MTR: variants seen among roughly 807,000 people sequenced by gnomAD.
MTR encodes methionine synthase.
In MTR, 84 loss-of-function variants were observed where a neutral mutation model predicts 154.8. The observed-to-expected ratio is 0.54, with a 90% CI of 0.45 to 0.65. The LOEUF (loss-of-function observed/expected upper bound fraction) is 0.65, where lower values mean the gene tolerates loss of function less well. Among genes scored for constraint, MTR ranks in the 30% least tolerant of loss-of-function variants. The pLI is 0.00. For synonymous variants in MTR, 554 were observed against 553.9 expected, an observed-to-expected ratio of 1.00 and a Z score of 0.00; for missense variants, 1,275 against 1,570.2, an observed-to-expected ratio of 0.81 and a Z score of 3.18.
intron 1 of MTR, among the ~76,000 whole-genome samples, chr1:236,799,368 C>G (rs2102998279): frequency 6.6e-6 from 1 of 152,234 alleles, no homozygotes; most frequent in East Asian, 1.9e-4. Flanking sequence ...AGTGATCCAC[C>G]TACTTTGGTC....
chr1:236,880,004 GA>G (rs1037870528), intron 24 of MTR, among the ~76,000 whole-genome samples: 36 of 149,128 alleles, frequency 2.4e-4, no homozygotes, highest in Non-Finnish European at 4.3e-4. Flanking sequence ...AAAAAAAATA[GA>G]AAAAAATTAG....
chr1:236,838,935 T>C (rs1031234700), intron 15 of MTR, among the ~76,000 whole-genome samples: 1 of 152,224 alleles, frequency 6.6e-6, no homozygotes, highest in Admixed American at 6.5e-5. Flanking sequence ...TAAGCTAATA[T>C]AGCATGTTAC....
intron 18 of MTR, among the ~76,000 whole-genome samples, chr1:236,856,081 C>T (rs1664185033): frequency 6.6e-6 from 1 of 152,156 alleles, no homozygotes; most frequent in South Asian, 2.1e-4. Flanking sequence ...TTCTTTACTG[C>T]TGTTTGTAGC....
At position 236,859,871 on chromosome 1, in the gene MTR, T is replaced by TATCA. The variant is rs1572278166; in HGVS notation, c.1992_1993insATCA (p.Glu665IlefsTer13). The TATCA allele has an allele frequency of 1.2e-6, 2 of 1,614,020 alleles. No individual in the cohort carries two copies. The highest frequency in any genetic ancestry group is 1.7e-6 in the Non-Finnish European group (2 of 1,179,918). ...GAGGGAAGAAAGTCATTCAGACTGA[T>TATCA]GAGTGGAGAAATGGCCCTGTCGAAG... On this transcript the variant is annotated frameshift_variant, in exon 19 of 33. Transcript: ENST00000366577. LOFTEE classifies it high-confidence loss of function.
intron 27 of MTR, 111 bp from the exon 28 acceptor site, chr1:236,889,070 C>T: frequency 1.5e-6 from 2 of 1,312,662 alleles, no homozygotes; most frequent in Non-Finnish European, 2.2e-6. Context: ...CTACGGGTGA[C>T]AGGAGGGAGG....
intron 1 of MTR, among the ~76,000 whole-genome samples, chr1:236,801,954 C>G (rs1660722740): frequency 6.6e-6 from 1 of 152,132 alleles, no homozygotes; most frequent in Non-Finnish European, 1.5e-5. Flanking sequence ...TGATAGTTTA[C>G]AAGGCACTTC....
chr1:236,817,619 T>C (rs1661673244), intron 8 of MTR, among the ~76,000 whole-genome samples: 1 of 152,160 alleles, frequency 6.6e-6, no homozygotes, highest in Non-Finnish European at 1.5e-5. Flanking sequence ...AGGTTGTAAC[T>C]CGCCCAAGGT....
chr1:236,810,555 T>C lies in MTR; in HGVS notation c.462T>C (p.Ser154=), dbSNP rs746001819. Residue 154 remains serine, a synonymous_variant, in exon 5 of 33, where the codon TCT becomes TCC. Coordinates refer to ENST00000366577, the MANE Select transcript of MTR (RefSeq NM_000254.3). ...TGGGTCCGACTAATAAGACACTCTC[T>C]GTGTCCCCATCTGTGGAAAGGCCGG... ...GALGPTNKTL[S]VSPSVERPDY... 6.2e-7 allele frequency: 1 copy of C among 1,613,916 alleles called. No homozygotes were observed. The highest frequency in any genetic ancestry group is 8.5e-7 in the Non-Finnish European group (1 of 1,179,824).
At chr1:236,812,657 C>A in intron 5 of MTR, 81 bp from the exon 6 acceptor site, 1 of 1,058,084 alleles carries the variant, frequency 9.5e-7, no homozygotes, top group Non-Finnish European at 1.5e-6. Flanking sequence ...TTCACAGGTG[C>A]CAGACCTACA....
intron 7 of MTR, 146 bp from the exon 8 acceptor site, chr1:236,816,303 G>C (rs919528861): frequency 1.4e-6 from 1 of 731,144 alleles, no homozygotes; most frequent in East Asian, 2.6e-5. Context: ...GACTATTATA[G>C]AAAGTGCCCC....
At chr1:236,823,460 G>A (rs967262000) in intron 8 of MTR, among the ~76,000 whole-genome samples, 12 of 152,110 alleles carry the variant, frequency 7.9e-5, no homozygotes, top group African/African-American at 2.9e-4. Context: ...CAGATTTCAA[G>A]GATTTTCCAC....
Position 236,810,471 on chromosome 1 carries a change from G to C in MTR, c.410-32G>C, listed in dbSNP as rs374671486. 4 of 1,566,268 alleles carry C rather than the reference G, an allele frequency of 2.6e-6. No homozygotes were observed. The African/African-American group carries it at 5.4e-5, about 21-fold the overall frequency. ...ACGACAAAAAATGTTCAGCCACTTA[G>C]AGATCTCACACTTGTTTTTCTTTTC... On this transcript the variant is annotated intron_variant, in intron 4 of 32. Transcript: ENST00000366577.
intron 30 of MTR, 84 bp downstream of exon 30, chr1:236,894,641 G>A (rs1464834392): frequency 1.5e-6 from 2 of 1,368,072 alleles, no homozygotes; most frequent in African/African-American, 1.4e-5. Context: ...AGACTGATCA[G>A]CCCTTAGAAC....
chr1:236,820,841 G>T (rs185736340), intron 8 of MTR, among the ~76,000 whole-genome samples: 12 of 152,246 alleles, frequency 7.9e-5, no homozygotes, highest in Admixed American at 2.0e-4. Context: ...TCAGATTTTA[G>T]CCATTCTAAT....
intron 22 of MTR, among the ~76,000 whole-genome samples, chr1:236,872,504 C>G (rs1360136136): frequency 6.6e-6 from 1 of 152,148 alleles, no homozygotes; most frequent in Non-Finnish European, 1.5e-5. Flanking sequence ...TATTGAGGAA[C>G]TTCCCTAGCC....
chr1:236,806,291 A>G (rs1660981240), intron 3 of MTR, 58 bp downstream of exon 3: 1 of 1,368,800 alleles, frequency 7.3e-7, no homozygotes, highest in African/African-American at 1.4e-5. Flanking sequence ...CTGCATTGGT[A>G]GTTGCTAGTG....
intron 18 of MTR, 152 bp from the exon 19 acceptor site, chr1:236,859,681 G>A (rs533777430): frequency 3.0e-6 from 2 of 669,654 alleles, no homozygotes; most frequent in African/African-American, 3.6e-5. Flanking sequence ...AACATTCATT[G>A]AGATCTTATT....
At chr1:236,810,688 A>C in intron 5 of MTR, 93 bp downstream of exon 5, 1 of 1,059,578 alleles carries the variant, frequency 9.4e-7, no homozygotes, top group East Asian at 2.4e-5. Context: ...CAATAACAGG[A>C]TCTACCTTAG....
intron 10 of MTR, among the ~76,000 whole-genome samples, chr1:236,825,751 G>C (rs1035451945): frequency 3.9e-5 from 6 of 152,082 alleles, no homozygotes; most frequent in African/African-American, 1.2e-4. Context: ...CCCCCTGGCC[G>C]CCCATTGTCA....
Sources: gnomAD v4.1 joint callset for allele counts (sites outside exome capture counted in the v4.1 genomes callset) on GRCh38, gnomAD v4.1.1 for gene constraint, MANE v1.5 for transcripts, NCBI Gene and HGNC (gene_info 2026-07-23, HGNC 2026-07-21) for gene names.